The following PPP2R2C variants were observed in gnomAD, a reference collection of about 807,000 sequenced individuals.
PPP2R2C encodes the protein protein phosphatase 2 regulatory subunit Bgamma.
In PPP2R2C, 10 loss-of-function variants were observed where a neutral mutation model predicts 45.3. The observed-to-expected ratio is 0.22, with a 90% CI of 0.14 to 0.37. The LOEUF is 0.37. Ranked by LOEUF, PPP2R2C falls within the 10% of genes least tolerant of loss-of-function variation. PPP2R2C has a pLI of 1.00. For missense variants in PPP2R2C, 308 were observed against 619.7 expected, an observed-to-expected ratio of 0.50 and a Z score of 5.34; for synonymous variants, 257 against 245.4, an observed-to-expected ratio of 1.05 and a Z score of -0.44.
chr4:6,475,979 C>T (rs941048140), upstream of PPP2R2C, among the ~76,000 whole-genome samples: 2 of 152,148 alleles, frequency 1.3e-5, no homozygotes, highest in Non-Finnish European at 2.9e-5. Context: ...CACTCTCTCC[C>T]CAGGTGCTCA....
At chr4:6,455,009 T>C (rs1720942071) in intron 1 of PPP2R2C, among the ~76,000 whole-genome samples, 2 of 151,846 alleles carry the variant, frequency 1.3e-5, no homozygotes, top group South Asian at 4.2e-4. Context: ...CCCCATCTCC[T>C]GTCAGACACC....
chr4:6,533,230 A>G (rs899720420), intron 2 of PPP2R2C, among the ~76,000 whole-genome samples: 2 of 152,224 alleles, frequency 1.3e-5, no homozygotes, highest in Non-Finnish European at 2.9e-5. Flanking sequence ...ACATGGCAGG[A>G]GTAAAAACAA....
chr4:6,363,596 A>T (rs1714019221), intron 5 of PPP2R2C, among the ~76,000 whole-genome samples: 1 of 151,868 alleles, frequency 6.6e-6, no homozygotes, highest in Non-Finnish European at 1.5e-5. Context: ...AAAAGAAAAG[A>T]AAAAGAAAGA....
At chr4:6,393,566 C>T (rs73798223) in intron 1 of PPP2R2C, among the ~76,000 whole-genome samples, 7,999 of 152,276 alleles carry the variant, frequency 0.053, 508 homozygotes, top group African/African-American at 0.14. Context: ...CCCCCATGGC[C>T]CCGGCCTCCA....
At chr4:6,398,602 G>A (rs890041750) in intron 1 of PPP2R2C, among the ~76,000 whole-genome samples, 1 of 152,112 alleles carries the variant, frequency 6.6e-6, no homozygotes, top group Non-Finnish European at 1.5e-5. Flanking sequence ...CTAATAATAT[G>A]GAGTTGGTGA....
chr4:6,473,637 C>T (rs918877726), upstream of PPP2R2C, among the ~76,000 whole-genome samples: 8 of 152,194 alleles, frequency 5.3e-5, no homozygotes, highest in Non-Finnish European at 1.5e-5. Context: ...GAGCCATGCT[C>T]CAGGTGGGGG....
intron 6 of PPP2R2C, among the ~76,000 whole-genome samples, chr4:6,344,171 C>A (rs916422661): frequency 1.3e-5 from 2 of 152,222 alleles, no homozygotes; most frequent in South Asian, 4.1e-4. Flanking sequence ...CTCCGCACCT[C>A]GGCCTGCCAG....
intron 1 of PPP2R2C, among the ~76,000 whole-genome samples, chr4:6,402,927 C>G (rs1717513903): frequency 6.6e-6 from 1 of 152,194 alleles, no homozygotes. Flanking sequence ...CCGCCCTCTG[C>G]AAAGCCATGA....
At chr4:6,476,771 G>GT (rs994312904), upstream of PPP2R2C, among the ~76,000 whole-genome samples, 1 of 151,982 alleles carries the variant, frequency 6.6e-6, no homozygotes, top group Non-Finnish European at 1.5e-5. Flanking sequence ...TTTGCACAAT[G>GT]TTTTTTTTCT....
chr4:6,355,202 T>C (rs1289010316), intron 5 of PPP2R2C, among the ~76,000 whole-genome samples: 2 of 98,952 alleles, frequency 2.0e-5, no homozygotes, highest in African/African-American at 5.3e-5. Context: ...AAGTAGTTGC[T>C]GACTGAATGA....
intron 1 of PPP2R2C, among the ~76,000 whole-genome samples, chr4:6,395,814 C>T (rs1156692045): frequency 6.6e-6 from 1 of 152,190 alleles, no homozygotes; most frequent in African/African-American, 2.4e-5. Flanking sequence ...ACCCTCTTTA[C>T]TGGCAAGGAG....
At chr4:6,559,679 T>C (rs73796264) in intron 1 of PPP2R2C, among the ~76,000 whole-genome samples, 3,144 of 152,220 alleles carry the variant, frequency 0.021, 113 homozygotes, top group African/African-American at 0.072. Flanking sequence ...AGGAAATTAG[T>C]GCCCTTCTAA....
chr4:6,350,333 A>G (rs11727760), intron 5 of PPP2R2C: 666,056 of 985,202 alleles, frequency 0.68, 231,311 homozygotes, highest in South Asian at 0.72. Context: ...GAACTTCACT[A>G]AAGTGGGATC....
chr4:6,511,079 T>C (rs1002469792), intron 2 of PPP2R2C, among the ~76,000 whole-genome samples: 1 of 152,190 alleles, frequency 6.6e-6, no homozygotes, highest in African/African-American at 2.4e-5. Flanking sequence ...ACTCACTAGC[T>C]GTCCCTGAAT....
chr4:6,379,083 C>T (rs1414702568), intron 2 of PPP2R2C, among the ~76,000 whole-genome samples: 2 of 152,034 alleles, frequency 1.3e-5, no homozygotes, highest in Admixed American at 6.6e-5. Flanking sequence ...TCCTGGATTC[C>T]ACGTGTCCAA....
rs1470948668 is a variant in PPP2R2C, at chr4:6,328,867, C to T, written c.1052+395G>A. Among the ~76,000 whole-genome samples, 2 of 152,188 alleles carry T rather than the reference C, an allele frequency of 1.3e-5. No individual in the cohort carries two copies. The highest frequency in any genetic ancestry group is 2.9e-5 in the Non-Finnish European group (2 of 68,034). On this transcript the variant is annotated intron_variant, in intron 8 of 8. Transcript: ENST00000382599. The surrounding 1 kb of genome is among the most constrained non-coding windows in gnomAD (Gnocchi z 4.4). The stretch of plus-strand genomic sequence containing the variant: ...GTGAGTAGACCGATGGTCAAAGCCA[C>T]AGGGGTGCAGGGCTGTCTCAGGACA...
intron 5 of PPP2R2C, among the ~76,000 whole-genome samples, chr4:6,353,091 T>C (rs960389171): frequency 1.3e-5 from 2 of 152,018 alleles, no homozygotes; most frequent in African/African-American, 4.8e-5. Context: ...AACACCTGGA[T>C]TGAGAACTTG....
chr4:6,545,071 C>T (rs895514820), intron 1 of PPP2R2C, among the ~76,000 whole-genome samples: 2 of 152,144 alleles, frequency 1.3e-5, no homozygotes, highest in African/African-American at 4.8e-5. Context: ...TCAAAGGGGT[C>T]CCCACAGCCT....
At chr4:6,551,121 G>A (rs770276520) in intron 1 of PPP2R2C, among the ~76,000 whole-genome samples, 29 of 152,354 alleles carry the variant, frequency 1.9e-4, no homozygotes, top group Non-Finnish European at 2.4e-4. Flanking sequence ...AGCCACAGGT[G>A]AGCCTCTTCC....
Sources: allele counts gnomAD v4.1 joint callset (sites outside exome capture counted in the v4.1 genomes callset), GRCh38; gene constraint gnomAD v4.1.1; non-coding constraint Gnocchi (gnomAD v3.1); transcripts MANE v1.5; gene names NCBI Gene and HGNC (gene_info 2026-07-23, HGNC 2026-07-21).